The following THSD7B variants were observed in gnomAD, a reference collection of about 807,000 sequenced individuals.
The protein encoded by THSD7B is thrombospondin type-1 domain-containing protein 7B.
THSD7B carries 138 observed loss-of-function variants against 213.6 expected under a neutral mutation model. That is an observed-to-expected ratio of 0.65 (90% CI 0.56 to 0.74). The LOEUF (loss-of-function observed/expected upper bound fraction) is 0.74. Among genes scored for constraint, THSD7B ranks in the 30% least tolerant of loss-of-function variants. The pLI, the probability that THSD7B is intolerant of heterozygous loss-of-function variation, is 0.00. For synonymous variants in THSD7B, 742 were observed against 687.0 expected (o/e 1.08, Z -1.25); for missense variants, 1,931 against 1,991.5 (o/e 0.97, Z 0.58).
At chr2:137,316,194 A>G (rs1264098650) in intron 12 of THSD7B, among the ~76,000 whole-genome samples, 1 of 152,222 alleles carries the variant, frequency 6.6e-6, no homozygotes, top group Non-Finnish European at 1.5e-5. Flanking sequence ...CTAAGCCTGC[A>G]TGTGTGGGCG....
chr2:137,220,558 A>G (rs1033518619), intron 7 of THSD7B, among the ~76,000 whole-genome samples: 8 of 152,242 alleles, frequency 5.3e-5, no homozygotes, highest in Non-Finnish European at 1.0e-4. Flanking sequence ...AAGGGTGTAG[A>G]ACAGTTAGAG....
intron 18 of THSD7B, 52 bp from the exon 19 acceptor site, chr2:137,618,340 G>T (rs1258362760): frequency 1.4e-6 from 2 of 1,417,420 alleles, no homozygotes; most frequent in Non-Finnish European, 9.9e-7. Context: ...GTTGTATTTT[G>T]CTCACATGGC....
chr2:137,074,984 A>G (rs373120704), intron 3 of THSD7B, among the ~76,000 whole-genome samples: 2 of 152,118 alleles, frequency 1.3e-5, no homozygotes, highest in African/African-American at 4.8e-5. Context: ...TCCCTTTGTG[A>G]GTAACCCGAC....
intron 2 of THSD7B, among the ~76,000 whole-genome samples, chr2:136,917,531 G>T (rs1228876423): frequency 6.6e-6 from 1 of 152,164 alleles, no homozygotes; most frequent in African/African-American, 2.4e-5. Context: ...CAGTGCTTAA[G>T]TAGTATGAGC....
chr2:137,233,428 C>G (rs188434175), intron 9 of THSD7B, among the ~76,000 whole-genome samples: 2 of 152,266 alleles, frequency 1.3e-5, no homozygotes, highest in Admixed American at 1.3e-4. Flanking sequence ...TAGAGCTGAT[C>G]TCTGTATTTT....
intron 12 of THSD7B, among the ~76,000 whole-genome samples, chr2:137,332,719 A>G (rs1232254303): frequency 6.6e-6 from 1 of 152,112 alleles, no homozygotes; most frequent in African/African-American, 2.4e-5. Flanking sequence ...TAATTGAATC[A>G]TGGGGGCAGT....
chr2:137,508,874 G>T (rs886362905), intron 15 of THSD7B, among the ~76,000 whole-genome samples: 8 of 152,008 alleles, frequency 5.3e-5, no homozygotes, highest in African/African-American at 1.2e-4. Context: ...ACCTGAGCTG[G>T]ACTTGGACCT....
intron 1 of THSD7B, among the ~76,000 whole-genome samples, chr2:136,827,333 ATG>A (rs1254955622): frequency 2.6e-5 from 4 of 152,208 alleles, no homozygotes; most frequent in African/African-American, 9.6e-5. Flanking sequence ...ATCTGAAAAG[ATG>A]AATAGCTGGT....
At chr2:136,923,417 G>A (rs993124978) in intron 2 of THSD7B, among the ~76,000 whole-genome samples, 2 of 152,264 alleles carry the variant, frequency 1.3e-5, no homozygotes, top group Non-Finnish European at 1.5e-5. Context: ...GCATGAGTGT[G>A]CAGATACCTT....
At chr2:136,828,308 C>T (rs761315013) in intron 1 of THSD7B, among the ~76,000 whole-genome samples, 2 of 152,078 alleles carry the variant, frequency 1.3e-5, no homozygotes, top group African/African-American at 4.8e-5. Flanking sequence ...ATCAGAAACC[C>T]AGGAACTATC....
intron 7 of THSD7B, among the ~76,000 whole-genome samples, chr2:137,201,284 T>C (rs936746129): frequency 6.6e-6 from 1 of 152,280 alleles, no homozygotes; most frequent in African/African-American, 2.4e-5. Context: ...TGCATGTGCA[T>C]GTGTGCACAC....
intron 17 of THSD7B, among the ~76,000 whole-genome samples, chr2:137,593,220 T>C (rs1295535920): frequency 6.6e-6 from 1 of 152,004 alleles, no homozygotes; most frequent in Non-Finnish European, 1.5e-5. Context: ...TGAATAAAGC[T>C]ACTGCAACCG....
chr2:137,194,361 G>A (rs1164667427), intron 7 of THSD7B, among the ~76,000 whole-genome samples: 2 of 152,224 alleles, frequency 1.3e-5, no homozygotes, highest in African/African-American at 4.8e-5. Flanking sequence ...CCTGTGTATG[G>A]TATTGAGAGT....
chr2:137,457,136 T>A (rs1687779253), intron 15 of THSD7B, among the ~76,000 whole-genome samples: 1 of 152,210 alleles, frequency 6.6e-6, no homozygotes, highest in Non-Finnish European at 1.5e-5. Context: ...CTATTGTAGA[T>A]CATTGCAAAG....
chr2:136,772,103 G>C (rs1681518662), intron 1 of THSD7B, among the ~76,000 whole-genome samples: 1 of 150,046 alleles, frequency 6.7e-6, no homozygotes, highest in Non-Finnish European at 1.5e-5. Flanking sequence ...GAATGCAACT[G>C]GTAAACCACA....
chr2:137,290,686 C>T (rs2104832384), intron 12 of THSD7B, among the ~76,000 whole-genome samples: 1 of 152,224 alleles, frequency 6.6e-6, no homozygotes, highest in Non-Finnish European at 1.5e-5. Flanking sequence ...CCCTGCTGAA[C>T]ACCAATCACC....
intron 2 of THSD7B, among the ~76,000 whole-genome samples, chr2:136,921,703 T>C (rs909692112): frequency 1.3e-5 from 2 of 152,214 alleles, no homozygotes; most frequent in African/African-American, 4.8e-5. Context: ...AGCATGTTAA[T>C]GGAAAAATCA....
intron 12 of THSD7B, among the ~76,000 whole-genome samples, chr2:137,402,569 C>A (rs1686393920): frequency 6.6e-6 from 1 of 151,968 alleles, no homozygotes; most frequent in Non-Finnish European, 1.5e-5. Context: ...GTAATCCCAG[C>A]ACTTTGGGAG....
intron 15 of THSD7B, among the ~76,000 whole-genome samples, chr2:137,501,144 C>G (rs13418353): frequency 0.02 from 3,102 of 152,214 alleles, 62 homozygotes; most frequent in Non-Finnish European, 0.029. Context: ...ACCTAGCATC[C>G]TTTCATGAAA....
Sources: gnomAD v4.1 joint callset for allele counts (sites outside exome capture counted in the v4.1 genomes callset) on GRCh38, gnomAD v4.1.1 for gene constraint, MANE v1.5 for transcripts, NCBI Gene and HGNC (gene_info 2026-07-23, HGNC 2026-07-21) for gene names.